The following MAGI2 variants were observed in gnomAD, a reference collection of about 807,000 sequenced individuals.
MAGI2 encodes membrane associated guanylate kinase, WW and PDZ domain containing 2.
MAGI2 carries 35 observed loss-of-function variants against 133.3 expected under a neutral mutation model. That is an observed-to-expected ratio of 0.26 (90% CI 0.20 to 0.35). The LOEUF (loss-of-function observed/expected upper bound fraction) is 0.35. Among genes scored for constraint, MAGI2 ranks in the 10% least tolerant of loss-of-function variants. The probability of loss-of-function intolerance (pLI) is 1.00; values close to 1 mark genes in which losing one functional copy is unlikely to be tolerated. For synonymous variants in MAGI2, 729 were observed against 710.6 expected (o/e 1.03, Z -0.41); for missense variants, 1,636 against 1,863.4 (o/e 0.88, Z 2.25).
At chr7:78,284,166 G>C (rs1440798961) in intron 9 of MAGI2, among the ~76,000 whole-genome samples, 2 of 152,040 alleles carry the variant, frequency 1.3e-5, no homozygotes, top group Non-Finnish European at 2.9e-5. Context: ...TACCTACAAA[G>C]CAGGAGACTT....
intron 18 of MAGI2, among the ~76,000 whole-genome samples, chr7:78,130,605 G>A (rs569766454): frequency 6.6e-6 from 1 of 152,330 alleles, no homozygotes; most frequent in Non-Finnish European, 1.5e-5. Context: ...ATATGCAAAT[G>A]TGCCACCACC....
At chr7:78,657,010 T>C (rs768210904) in intron 2 of MAGI2, among the ~76,000 whole-genome samples, 1 of 127,374 alleles carries the variant, frequency 7.9e-6, no homozygotes, top group Admixed American at 7.5e-5. Flanking sequence ...AAAAAGGAAA[T>C]AGGCCAAACA....
At position 79,423,754 on chromosome 7, in the gene MAGI2, G is replaced by A. The variant is rs189967425; in HGVS notation, c.301+29266C>T. 1.6e-4 allele frequency among the ~76,000 whole-genome samples: 24 copies of A among 152,130 alleles called. No individual in the cohort carries two copies. The East Asian group carries it at 4.6e-3, about 29-fold the overall frequency. On this transcript the variant is annotated intron_variant, in intron 1 of 21. Coordinates refer to ENST00000354212, the MANE Select transcript of MAGI2 (RefSeq NM_012301.4). The stretch of plus-strand genomic sequence containing the variant: ...ATTCAATCAACCAATCTTGGAGTCT[G>A]TCCTATCTTTAGATTTCCTGTTATG...
At chr7:79,264,101 T>C (rs1353648451) in intron 1 of MAGI2, among the ~76,000 whole-genome samples, 1 of 152,192 alleles carries the variant, frequency 6.6e-6, no homozygotes, top group African/African-American at 2.4e-5. Flanking sequence ...TGTATTCTTT[T>C]TTCATACTTA....
chr7:78,587,412 T>A (rs1258091275), intron 3 of MAGI2, among the ~76,000 whole-genome samples: 2 of 152,222 alleles, frequency 1.3e-5, no homozygotes, highest in Non-Finnish European at 2.9e-5. Flanking sequence ...AAATTGCTAG[T>A]TATATTTAAG....
rs1349706540 is a variant in MAGI2, at chr7:79,013,666, T to C, written c.302-6460A>G. ...ATCTAGCCTGCCAGAACAGCCTCCA[T>C]TCCCTTTTTAGGTAGAAATTGTGTC... is the stretch of plus-strand genomic sequence containing the variant. On this transcript the variant is annotated intron_variant, in intron 1 of 21. Transcript: ENST00000354212. 2.0e-5 allele frequency among the ~76,000 whole-genome samples: 3 copies of C among 152,174 alleles called. No individual in the cohort carries two copies. In the East Asian group the frequency reaches 5.8e-4, roughly 29 times the overall value.
chr7:78,600,746 T>G (rs1037038011), intron 3 of MAGI2, among the ~76,000 whole-genome samples: 2 of 152,104 alleles, frequency 1.3e-5, no homozygotes, highest in African/African-American at 4.8e-5. Context: ...TGTGTGTGTG[T>G]GGGTGCATGT....
At chr7:78,120,024 C>T (rs1022159533) in intron 20 of MAGI2, among the ~76,000 whole-genome samples, 1 of 152,126 alleles carries the variant, frequency 6.6e-6, no homozygotes. Flanking sequence ...CATGGAAAGA[C>T]TCGATATTAT....
At chr7:78,665,878 G>A (rs1585019478) in intron 2 of MAGI2, among the ~76,000 whole-genome samples, 1 of 152,092 alleles carries the variant, frequency 6.6e-6, no homozygotes, top group African/African-American at 2.4e-5. Context: ...ATGAATCAGA[G>A]ATATAGTCTG....
At chr7:79,293,403 T>C (rs1486340925) in intron 1 of MAGI2, among the ~76,000 whole-genome samples, 1 of 152,222 alleles carries the variant, frequency 6.6e-6, no homozygotes, top group East Asian at 1.9e-4. Flanking sequence ...TCTAGCTTCT[T>C]ACCTAAAATA....
chr7:78,960,919 C>T (rs1240296362), intron 2 of MAGI2, among the ~76,000 whole-genome samples: 1 of 152,050 alleles, frequency 6.6e-6, no homozygotes, highest in Non-Finnish European at 1.5e-5. Flanking sequence ...GGAATGATTC[C>T]ATACGACCTA....
At chr7:79,181,716 ATT>A (rs944924243) in intron 1 of MAGI2, among the ~76,000 whole-genome samples, 1 of 151,892 alleles carries the variant, frequency 6.6e-6, no homozygotes, top group Non-Finnish European at 1.5e-5. Context: ...TTTCTGTTGC[ATT>A]GTCAGGCTGC....
intron 2 of MAGI2, among the ~76,000 whole-genome samples, chr7:78,979,984 G>A (rs1482202485): frequency 6.6e-6 from 1 of 151,586 alleles, no homozygotes. Context: ...AATTGCCTTG[G>A]GTCACTCAGC....
intron 2 of MAGI2, among the ~76,000 whole-genome samples, chr7:78,948,045 T>C (rs1441956092): frequency 1.3e-5 from 2 of 152,042 alleles, no homozygotes; most frequent in Non-Finnish European, 2.9e-5. Context: ...TTGAAGATAG[T>C]ATTATTCTAG....
In MAGI2 at chr7:78,422,073, C is replaced by T. The variant is rs138292545; in HGVS notation, c.1046-52860G>A. ...TCAAAACTACACTTACAACTTGCCT[C>T]TCAAGCAGGTCCTGGTAGTCATTGT... is the stretch of plus-strand genomic sequence containing the variant. On this transcript the variant is annotated intron_variant, in intron 6 of 21. Coordinates refer to ENST00000354212, the MANE Select transcript of MAGI2 (RefSeq NM_012301.4). Among the ~76,000 whole-genome samples, 161 of 152,272 alleles carry T rather than the reference C, an allele frequency of 1.1e-3. 2 individuals carry two copies. Among genetic ancestry groups the T allele is most frequent in the African/African-American group, 3.6e-3 (148 of 41,548 alleles).
intron 7 of MAGI2, among the ~76,000 whole-genome samples, chr7:78,349,083 CAAT>C (rs1304566386): frequency 2.0e-5 from 3 of 152,090 alleles, no homozygotes; most frequent in Non-Finnish European, 2.9e-5. Context: ...GATAATTTTA[CAAT>C]AATGAATTTC....
At chr7:78,276,976 C>T (rs1237173950) in intron 9 of MAGI2, among the ~76,000 whole-genome samples, 4 of 152,136 alleles carry the variant, frequency 2.6e-5, no homozygotes, top group African/African-American at 4.8e-5. Context: ...TTTCTCTCTG[C>T]ATTCCATATT....
At chr7:78,543,934 T>C (rs1270861501) in intron 3 of MAGI2, among the ~76,000 whole-genome samples, 2 of 152,224 alleles carry the variant, frequency 1.3e-5, no homozygotes, top group Admixed American at 1.3e-4. Flanking sequence ...TAATTATTGC[T>C]TAGAAAAATA....
chr7:78,916,962 A>G (rs1798848775), intron 2 of MAGI2, among the ~76,000 whole-genome samples: 1 of 152,150 alleles, frequency 6.6e-6, no homozygotes, highest in African/African-American at 2.4e-5. Context: ...CTTTAATTAT[A>G]CATAGTGTTT....
Sources: gnomAD v4.1 joint callset for allele counts (sites outside exome capture counted in the v4.1 genomes callset) on GRCh38, gnomAD v4.1.1 for gene constraint, MANE v1.5 for transcripts, NCBI Gene and HGNC (gene_info 2026-07-23, HGNC 2026-07-21) for gene names.